Variants in DLGAP2 observed in about 807,000 individuals in gnomAD.
The protein encoded by DLGAP2 is disks large-associated protein 2.
Under a neutral mutation model 100.3 loss-of-function variants are expected in DLGAP2, and 26 were observed. The observed-to-expected ratio is 0.26, with a 90% CI of 0.19 to 0.36. The LOEUF is 0.36. Ranked by LOEUF, DLGAP2 falls within the 10% of genes least tolerant of loss-of-function variation. DLGAP2 has a pLI of 1.00. For synonymous variants in DLGAP2, 886 were observed against 630.1 expected (o/e 1.41, Z -6.08); for missense variants, 1,858 against 1,453.2 (o/e 1.28, Z -4.53).
At chr8:1,644,799 C>G (rs1029538388) in intron 8 of DLGAP2, among the ~76,000 whole-genome samples, 4 of 152,134 alleles carry the variant, frequency 2.6e-5, no homozygotes, top group Admixed American at 6.6e-5. Context: ...TGTATTGACA[C>G]CATGGCTTTT....
Position 1,149,177 on chromosome 8 carries a change from G to T in DLGAP2, c.74-109674G>T, listed in dbSNP as rs962045184. 6.6e-5 allele frequency among the ~76,000 whole-genome samples: 10 copies of T among 151,760 alleles called. No individual in the cohort carries two copies. The South Asian group carries it at 1.9e-3, about 28-fold the overall frequency. On this transcript the variant is annotated intron_variant, in intron 2 of 14. Coordinates refer to ENST00000637795, the MANE Select transcript of DLGAP2 (RefSeq NM_001346810.2). The stretch of plus-strand genomic sequence containing the variant: ...TTTTTTTGGTTTGAGATGGAGCCTC[G>T]CTCTGTTGCCCAGGCTGAAGTGCAG...
chr8:880,816 G>C (rs376470447), intron 1 of DLGAP2, among the ~76,000 whole-genome samples: 22 of 152,338 alleles, frequency 1.4e-4, no homozygotes, highest in African/African-American at 5.3e-4. Context: ...CTCGTTCATG[G>C]ACTCAACGCA....
chr8:1,021,678 C>G (rs910846677), intron 2 of DLGAP2, among the ~76,000 whole-genome samples: 6 of 152,174 alleles, frequency 3.9e-5, no homozygotes, highest in African/African-American at 1.4e-4. Context: ...GACTTCAGCT[C>G]ACATAATTTT....
intron 6 of DLGAP2, among the ~76,000 whole-genome samples, chr8:1,577,766 C>A (rs1269116779): frequency 6.6e-6 from 1 of 152,042 alleles, no homozygotes; most frequent in Non-Finnish European, 1.5e-5. Context: ...GAAGGAGCAG[C>A]AACCTCGGAT....
chr8:1,540,443 A>G (rs745424327), intron 4 of DLGAP2, among the ~76,000 whole-genome samples: 32 of 152,156 alleles, frequency 2.1e-4, no homozygotes, highest in Non-Finnish European at 3.1e-4. Context: ...AAGAGAGGGA[A>G]AGGAAGGCAG....
At chr8:1,344,765 G>A (rs1007168324) in intron 3 of DLGAP2, among the ~76,000 whole-genome samples, 2 of 152,138 alleles carry the variant, frequency 1.3e-5, no homozygotes, top group African/African-American at 4.8e-5. Context: ...TCCTCCTTGG[G>A]GATCACTGGT....
At chr8:1,058,840 G>A (rs1802963347) in intron 2 of DLGAP2, among the ~76,000 whole-genome samples, 1 of 152,224 alleles carries the variant, frequency 6.6e-6, no homozygotes, top group South Asian at 2.1e-4. Context: ...GTGACTTCAT[G>A]TGAGTTCCTG....
intron 2 of DLGAP2, among the ~76,000 whole-genome samples, chr8:1,128,617 CA>C (rs1413322142): frequency 6.6e-6 from 1 of 152,168 alleles, no homozygotes; most frequent in Non-Finnish European, 1.5e-5. Context: ...CTGATGTTCC[CA>C]CCATGACCAG....
chr8:1,228,150 C>T (rs1196205261), intron 2 of DLGAP2, among the ~76,000 whole-genome samples: 3 of 149,864 alleles, frequency 2.0e-5, no homozygotes, highest in African/African-American at 7.3e-5. Flanking sequence ...ATGGGTGCAG[C>T]ACACCAACAT....
chr8:944,593 G>C (rs920876056), intron 2 of DLGAP2, among the ~76,000 whole-genome samples: 4 of 152,082 alleles, frequency 2.6e-5, no homozygotes, highest in Admixed American at 2.6e-4. Context: ...AGGTGACTCA[G>C]TGGGTGGTAG....
intron 3 of DLGAP2, among the ~76,000 whole-genome samples, chr8:1,414,846 TA>T (rs1244032934): frequency 2.0e-5 from 3 of 152,040 alleles, no homozygotes. Flanking sequence ...CCATGTCTAC[TA>T]AAAGTACAAA....
intron 3 of DLGAP2, among the ~76,000 whole-genome samples, chr8:1,444,448 C>T (rs1247037348): frequency 6.6e-6 from 1 of 152,172 alleles, no homozygotes; most frequent in African/African-American, 2.4e-5. Context: ...TTAAGGCCTT[C>T]CCTAACCTTG....
intron 3 of DLGAP2, among the ~76,000 whole-genome samples, chr8:1,339,905 A>G (rs1047633454): frequency 6.6e-6 from 1 of 152,236 alleles, no homozygotes; most frequent in Admixed American, 6.5e-5. Flanking sequence ...AAGACAAAAT[A>G]TGTGTATATT....
At chr8:1,029,235 C>T (rs1226596551) in intron 2 of DLGAP2, among the ~76,000 whole-genome samples, 1 of 152,174 alleles carries the variant, frequency 6.6e-6, no homozygotes, top group Non-Finnish European at 1.5e-5. Context: ...GGGAAAGATT[C>T]TTCCAGATTT....
At chr8:1,313,511 G>A (rs1201881357) in intron 3 of DLGAP2, among the ~76,000 whole-genome samples, 1 of 152,034 alleles carries the variant, frequency 6.6e-6, no homozygotes, top group Non-Finnish European at 1.5e-5. Context: ...ATAAACCTTT[G>A]AAGAAAAATC....
At chr8:1,231,817 G>T (rs1404367116) in intron 2 of DLGAP2, among the ~76,000 whole-genome samples, 1 of 152,172 alleles carries the variant, frequency 6.6e-6, no homozygotes, top group East Asian at 1.9e-4. Context: ...GAGGAAGGAA[G>T]GGCGGGAGGA....
At chr8:1,206,069 A>G (rs1480821180) in intron 2 of DLGAP2, among the ~76,000 whole-genome samples, 1 of 152,192 alleles carries the variant, frequency 6.6e-6, no homozygotes, top group African/African-American at 2.4e-5. Context: ...CAGTCGGGAT[A>G]TCTCTGAGCA....
Position 1,176,829 on chromosome 8 carries a change from C to T in DLGAP2, c.74-82022C>T, listed in dbSNP as rs541167671. Reference sequence around the variant, plus strand: ...CTGGTGGTCACATTCTCTCAACACACCCTCTGGCTTCTTTCCACCCTCTCA... The same window carrying T: ...CTGGTGGTCACATTCTCTCAACACATCCTCTGGCTTCTTTCCACCCTCTCA... On this transcript the variant is annotated intron_variant, in intron 2 of 14. Coordinates refer to ENST00000637795, the MANE Select transcript of DLGAP2 (RefSeq NM_001346810.2). 8.5e-5 allele frequency among the ~76,000 whole-genome samples: 13 copies of T among 152,268 alleles called. No homozygotes were observed. In the East Asian group the frequency reaches 2.3e-3, roughly 27 times the overall value.
chr8:1,696,788 C>T (rs1228465894), intron 13 of DLGAP2, among the ~76,000 whole-genome samples: 2 of 152,218 alleles, frequency 1.3e-5, no homozygotes, highest in Non-Finnish European at 2.9e-5. Flanking sequence ...GCCAATACCA[C>T]GGCAGGCTCA....
Sources: gnomAD v4.1 joint callset for allele counts (sites outside exome capture counted in the v4.1 genomes callset) on GRCh38, gnomAD v4.1.1 for gene constraint, MANE v1.5 for transcripts, NCBI Gene and HGNC (gene_info 2026-07-23, HGNC 2026-07-21) for gene names.